Variants in GRID2 observed in about 807,000 individuals in gnomAD.
GRID2 encodes the protein glutamate ionotropic receptor delta type subunit 2, also known as glutamate receptor ionotropic, delta-2.
A neutral mutation model predicts 114.8 loss-of-function variants in GRID2; 33 were observed. The ratio of observed to expected loss-of-function variants is 0.29; its 90% CI spans 0.22 to 0.38. The LOEUF is 0.38. GRID2 is among the 10% of genes least tolerant of loss of function. GRID2 has a pLI of 1.00. For missense variants in GRID2, 1,184 were observed against 1,257.7 expected, an observed-to-expected ratio of 0.94 and a Z score of 0.89; for synonymous variants, 505 against 449.9, an observed-to-expected ratio of 1.12 and a Z score of -1.55.
chr4:92,712,736 T>C (rs975424605), intron 2 of GRID2, among the ~76,000 whole-genome samples: 7 of 152,184 alleles, frequency 4.6e-5, no homozygotes, highest in Admixed American at 4.6e-4. Context: ...AATGTCATAA[T>C]GGATTGAATT....
intron 2 of GRID2, among the ~76,000 whole-genome samples, chr4:92,644,981 G>C (rs1429159579): frequency 3.3e-5 from 5 of 150,960 alleles, no homozygotes; most frequent in Non-Finnish European, 7.4e-5. Flanking sequence ...TTTTATTAAG[G>C]AATATTTTTA....
intron 2 of GRID2, among the ~76,000 whole-genome samples, chr4:92,827,592 TA>T (rs1741812841): frequency 6.6e-6 from 1 of 152,044 alleles, no homozygotes; most frequent in South Asian, 2.1e-4. Context: ...TTATCTTAAA[TA>T]TGATTTTTTT....
intron 2 of GRID2, among the ~76,000 whole-genome samples, chr4:93,065,700 G>A (rs1042924307): frequency 3.3e-5 from 5 of 151,850 alleles, no homozygotes; most frequent in African/African-American, 9.7e-5. Flanking sequence ...CACCAAACAC[G>A]GGTTTGCATG....
At chr4:93,244,565 T>TAG (rs1747962629) in intron 8 of GRID2, among the ~76,000 whole-genome samples, 1 of 35,474 alleles carries the variant, frequency 2.8e-5, no homozygotes, top group Non-Finnish European at 5.5e-5. Flanking sequence ...TATAATCTAT[T>TAG]ATATATTAAT....
chr4:92,612,144 T>A (rs1382833835), intron 2 of GRID2, among the ~76,000 whole-genome samples: 4 of 151,544 alleles, frequency 2.6e-5, no homozygotes, highest in African/African-American at 9.7e-5. Context: ...TTTGTGTTTG[T>A]GTTTGAGTAT....
intron 2 of GRID2, among the ~76,000 whole-genome samples, chr4:93,048,729 C>G (rs1412782864): frequency 6.6e-6 from 1 of 152,028 alleles, no homozygotes; most frequent in Non-Finnish European, 1.5e-5. Flanking sequence ...AAGCAAATCC[C>G]TAATTTTTTT....
rs1383867263 is a variant in GRID2, at chr4:93,447,251, T to A, written c.1546-8411T>A. Among the ~76,000 whole-genome samples the A allele has an allele frequency of 2.0e-5, 3 of 152,132 alleles. No individual in the cohort carries two copies. The East Asian group carries it at 5.8e-4, about 30-fold the overall frequency. On this transcript the variant is annotated intron_variant, in intron 10 of 15. Coordinates refer to ENST00000282020, the MANE Select transcript of GRID2 (RefSeq NM_001510.4). The stretch of plus-strand genomic sequence containing the variant: ...AAACGTGTTCATCTTTAAACTCTAC[T>A]TAATTACTAAATTAAAATAATGAAT...
intron 14 of GRID2, among the ~76,000 whole-genome samples, chr4:93,735,766 A>G (rs1325440415): frequency 6.6e-6 from 1 of 152,072 alleles, no homozygotes; most frequent in Non-Finnish European, 1.5e-5. Flanking sequence ...GCCAGCCTAC[A>G]TGACCACCTT....
Position 93,501,522 on chromosome 4 carries a change from G to C in GRID2, c.1997+10745G>C, listed in dbSNP as rs1029158295. Among the ~76,000 whole-genome samples the C allele has an allele frequency of 7.2e-5, 11 of 152,010 alleles. 1 individual carries two copies. Among genetic ancestry groups the C allele is most frequent in the African/African-American group, 2.7e-4 (11 of 41,432 alleles). The stretch of plus-strand genomic sequence containing the variant: ...TTGTTAGTGTTGAAATGGCTTACTT[G>C]TCCTAGCACTTAAGTACTACAGTGA... On this transcript the variant is annotated intron_variant, in intron 12 of 15. Transcript: ENST00000282020.
At chr4:93,104,685 A>G (rs923283414) in intron 3 of GRID2, among the ~76,000 whole-genome samples, 2 of 152,008 alleles carry the variant, frequency 1.3e-5, no homozygotes, top group African/African-American at 4.8e-5. Flanking sequence ...TATGTGTCAC[A>G]TTTTCTTAAT....
At chr4:93,686,306 A>C (rs904556007) in intron 14 of GRID2, among the ~76,000 whole-genome samples, 8 of 152,066 alleles carry the variant, frequency 5.3e-5, no homozygotes, top group Admixed American at 2.6e-4. Context: ...TCAATATCTC[A>C]TACGTATCTC....
chr4:93,002,021 G>A (rs1165315960), intron 2 of GRID2, among the ~76,000 whole-genome samples: 1 of 150,204 alleles, frequency 6.7e-6, no homozygotes, highest in East Asian at 2.0e-4. Context: ...AAGTAATTCT[G>A]TAAGCTAGTT....
intron 2 of GRID2, among the ~76,000 whole-genome samples, chr4:93,053,223 C>G (rs187495730): frequency 2.1e-4 from 32 of 152,024 alleles, no homozygotes; most frequent in African/African-American, 7.7e-4. Flanking sequence ...ATACCGGGCA[C>G]CTTCCCAGAT....
chr4:92,927,118 G>A (rs1203491129), intron 2 of GRID2, among the ~76,000 whole-genome samples: 2 of 151,824 alleles, frequency 1.3e-5, no homozygotes, highest in Non-Finnish European at 2.9e-5. Flanking sequence ...TATGAACTTG[G>A]AGATAAACCA....
At chr4:93,428,206 T>C (rs1409956431) in intron 10 of GRID2, among the ~76,000 whole-genome samples, 1 of 152,098 alleles carries the variant, frequency 6.6e-6, no homozygotes, top group Non-Finnish European at 1.5e-5. Flanking sequence ...AATTTCAAGG[T>C]GTTGAGTGAC....
chr4:92,316,109 T>C (rs755084612), intron 1 of GRID2, among the ~76,000 whole-genome samples: 10 of 151,920 alleles, frequency 6.6e-5, no homozygotes, highest in Non-Finnish European at 1.3e-4. Flanking sequence ...CTCTGCAATC[T>C]GACAACCAAC....
At chr4:93,157,651 A>G (rs1294396675) in intron 4 of GRID2, among the ~76,000 whole-genome samples, 1 of 151,706 alleles carries the variant, frequency 6.6e-6, no homozygotes, top group South Asian at 2.1e-4. Flanking sequence ...ACTGATTACT[A>G]AGGATGAATG....
intron 14 of GRID2, among the ~76,000 whole-genome samples, chr4:93,660,483 CCTTAT>C (rs1261196542): frequency 1.3e-5 from 2 of 151,924 alleles, no homozygotes; most frequent in African/African-American, 2.4e-5. Context: ...GGAGTAAATG[CCTTAT>C]CTTATTATTT....
chr4:92,421,820 G>A (rs192946861), intron 1 of GRID2, among the ~76,000 whole-genome samples: 2 of 152,212 alleles, frequency 1.3e-5, no homozygotes, highest in East Asian at 3.9e-4. Flanking sequence ...AGAACACTGG[G>A]TAGTATAGTT....
Sources: allele counts gnomAD v4.1 joint callset (sites outside exome capture counted in the v4.1 genomes callset), GRCh38; gene constraint gnomAD v4.1.1; transcripts MANE v1.5; gene names NCBI Gene and HGNC (gene_info 2026-07-23, HGNC 2026-07-21).